Variants in TOP3B observed in about 807,000 individuals in gnomAD.
The protein encoded by TOP3B is DNA topoisomerase 3-beta-1.
In TOP3B, 45 loss-of-function variants were observed where a neutral mutation model predicts 93.9. The ratio of observed to expected loss-of-function variants is 0.48; its 90% CI spans 0.38 to 0.61. TOP3B has a LOEUF of 0.61. Among genes scored for constraint, TOP3B ranks in the 20% least tolerant of loss-of-function variants. TOP3B has a pLI of 0.00. For missense variants in TOP3B, 750 were observed against 1,156.1 expected (o/e 0.65, Z 5.09); for synonymous variants, 357 against 472.6 (o/e 0.76, Z 3.17).
At chr22:21,962,646 G>A (rs1416075975) in intron 12 of TOP3B, 44 bp from the exon 13 acceptor site, 4 of 1,605,474 alleles carry the variant, frequency 2.5e-6, no homozygotes, top group Non-Finnish European at 3.4e-6. Flanking sequence ...AGCCTGGGTG[G>A]CCGGGGCCTC....
At chr22:21,979,849 G>A (rs1249134190) in intron 1 of TOP3B, among the ~76,000 whole-genome samples, 2 of 150,766 alleles carry the variant, frequency 1.3e-5, no homozygotes, top group Non-Finnish European at 2.9e-5. Flanking sequence ...GCTGAGGCAG[G>A]AGAATGGTGT....
chr22:21,958,381 G>A (rs2071015337), intron 17 of TOP3B, 111 bp downstream of exon 17: 1 of 1,570,494 alleles, frequency 6.4e-7, no homozygotes, highest in Non-Finnish European at 8.6e-7. Flanking sequence ...AATGAGTGCA[G>A]GAAAGGCCAG....
In TOP3B at chr22:21,970,111, C is replaced by T. The variant is rs1187069250; in HGVS notation, c.581+99G>A. ...AAATCCCCTGTTGCTCATCCTGGCTCGAGGAGGCCTAGGGGCCCCGGAGGG... is the reference window on the plus strand; with the variant it reads ...AAATCCCCTGTTGCTCATCCTGGCTTGAGGAGGCCTAGGGGCCCCGGAGGG... On this transcript the variant is annotated intron_variant, in intron 6 of 17. Transcript: ENST00000357179. This position sits in a 1 kb window ranked among gnomAD's most constrained non-coding sequence, Gnocchi z 4.4. 20 of 1,384,822 alleles carry T rather than the reference C, an allele frequency of 1.4e-5. No individual in the cohort carries two copies. In the East Asian group the frequency reaches 4.0e-4, roughly 28 times the overall value. The allele number at this position is 1,384,822 out of a possible 1,614,324, so 85.8% of individuals were successfully genotyped here. A position where few individuals can be genotyped will look rare whatever the true frequency, so the allele number is the denominator to read the frequency against.
chr22:21,968,947 A>T (rs953009908), intron 6 of TOP3B, 172 bp from the exon 7 acceptor site: 2 of 637,082 alleles, frequency 3.1e-6, no homozygotes, highest in Non-Finnish European at 5.5e-6. Context: ...GGGAGGATTC[A>T]TGTGTGTACA....
intron 8 of TOP3B, 43 bp from the exon 9 acceptor site, chr22:21,965,418 A>ACCAC: frequency 7.3e-7 from 1 of 1,363,910 alleles, no homozygotes; most frequent in East Asian, 2.5e-5. Context: ...GGAGGAAGAC[A>ACCAC]CCACCATAGA....
At position 21,964,271 on chromosome 22, in the gene TOP3B, T is replaced by A; in HGVS notation, c.988A>T (p.Thr330Ser). The A allele has an allele frequency of 6.2e-7, 1 of 1,614,068 alleles. No individual in the cohort carries two copies. Among genetic ancestry groups the A allele is most frequent in the Non-Finnish European group, 8.5e-7 (1 of 1,180,000 alleles). ...CGTGGGTAGCTGATGTAGCCTTGCG[T>A]GTAGAGCCGCTCAGCCGTCTGCATG... is the stretch of plus-strand genomic sequence containing the variant. ...HAMQTAERLY[T>S]QGYISYPRTE... Residue 330 changes from threonine (T) to serine (S), a missense_variant, in exon 10 of 18, where the codon ACG becomes TCG. Around this residue, in one of 4 missense-constraint regions of TOP3B, gnomAD observed 737 missense variants for 933.7 expected, o/e 0.79. Transcript: ENST00000357179.
At chr22:21,968,813 C>T in intron 6 of TOP3B, 38 bp from the exon 7 acceptor site, 1 of 1,611,492 alleles carries the variant, frequency 6.2e-7, no homozygotes, top group South Asian at 1.1e-5. Context: ...CACTGATTCA[C>T]TCAAGACACT....
chr22:21,958,211 C>T (rs1292644593), intron 17 of TOP3B: 2 of 1,316,976 alleles, frequency 1.5e-6, no homozygotes, highest in African/African-American at 3.0e-5. Context: ...GCTGCATCCT[C>T]TTGCTCACTC....
rs954476409 is a variant in TOP3B, at chr22:21,972,559, C to T, written c.309+53G>A. 31 of 1,358,872 alleles carry T rather than the reference C, an allele frequency of 2.3e-5. No individual in the cohort carries two copies. In the African/African-American group the frequency reaches 3.9e-4, roughly 17 times the overall value. The allele number at this position is 1,358,872 out of a possible 1,614,324, so 84.2% of individuals were successfully genotyped here. A position where few individuals can be genotyped will look rare whatever the true frequency, so the allele number is the denominator to read the frequency against. On this transcript the variant is annotated intron_variant, in intron 4 of 17. Coordinates refer to ENST00000357179, the MANE Select transcript of TOP3B (RefSeq NM_001282112.2). The stretch of plus-strand genomic sequence containing the variant: ...GCAAGGGTGGGCAAAGACATGGCAG[C>T]TGTGGAGGGTGGGGAGCCCCGGTGT...
In TOP3B at chr22:21,971,853, G is replaced by A. The variant is rs1172809690; in HGVS notation, c.384+24C>T. 6.2e-7 allele frequency: 1 copy of A among 1,612,784 alleles called. No individual in the cohort carries two copies. The highest frequency in any genetic ancestry group is 2.2e-5 in the East Asian group (1 of 44,876). On this transcript the variant is annotated intron_variant, in intron 5 of 17. Coordinates refer to ENST00000357179, the MANE Select transcript of TOP3B (RefSeq NM_001282112.2). This position sits in a 1 kb window ranked among gnomAD's most constrained non-coding sequence, Gnocchi z 4.6. ...TGGTGTCAGAAAGGCCAAAAGTGAG[G>A]AACAAAGTGAGCCTCACACTCACCT...
In TOP3B at chr22:21,959,574, A is replaced by G. The variant is rs746224616; in HGVS notation, c.1804+13T>C. ...ACCCCTCTGGTGAGGGGCAGGCCAG[A>G]GGCAGACTCTACCAGCAATGGAGTC... On this transcript the variant is annotated intron_variant, in intron 15 of 17. Coordinates refer to ENST00000357179, the MANE Select transcript of TOP3B (RefSeq NM_001282112.2). 3 of 1,601,612 alleles carry G rather than the reference A, an allele frequency of 1.9e-6. No homozygotes were observed. The South Asian group carries it at 3.4e-5, about 18-fold the overall frequency.
rs1440958323 is a variant in TOP3B, at chr22:21,972,612, C to T, written c.309G>A (p.Gln103=). The T allele has an allele frequency of 6.2e-7, 1 of 1,607,362 alleles. No homozygotes were observed. The highest frequency in any genetic ancestry group is 8.5e-7 in the Non-Finnish European group (1 of 1,177,396). ...TCATGCCCAGGCCAGCCCCACGCAC[C>T]TGCAGGAACTTCACCATGTTCAGCT... ...NPKLNMVKFL[Q]VEGRGCDYIV... Residue 103 remains glutamine (Q), a splice_region_variant and synonymous_variant, in exon 4 of 18, where the codon CAG becomes CAA. Transcript: ENST00000357179.
Position 21,974,457 on chromosome 22 carries a change from C to G in TOP3B, c.102G>C (p.Gly34=). 1 of 1,613,038 alleles carries G rather than the reference C, an allele frequency of 6.2e-7. No individual in the cohort carries two copies. The highest frequency in any genetic ancestry group is 8.5e-7 in the Non-Finnish European group (1 of 1,179,430). ...CAGTGTACTCGTGGACTGAGCAGGCCCCGTTCAGCCCTTTGTGTGAGGACA... is the reference window on the plus strand; with the variant it reads ...CAGTGTACTCGTGGACTGAGCAGGCGCCGTTCAGCCCTTTGTGTGAGGACA... ...GSLSSHKGLN[G]ACSVHEYTGT... Residue 34 remains glycine (G), a synonymous_variant, in exon 3 of 18, where the codon GGG becomes GGC. Coordinates refer to ENST00000357179, the MANE Select transcript of TOP3B (RefSeq NM_001282112.2).
At chr22:21,968,825 T>C (rs757799759) in intron 6 of TOP3B, 50 bp from the exon 7 acceptor site, 14 of 1,603,508 alleles carry the variant, frequency 8.7e-6, no homozygotes, top group Non-Finnish European at 1.2e-5. Context: ...CAAGACACTA[T>C]TATGGCCACC....
chr22:21,965,301 C>A lies in TOP3B; in HGVS notation c.927G>T (p.Val309=), dbSNP rs1167328848. Residue 309 remains valine, a synonymous_variant, in exon 9 of 18, where the codon GTG becomes GTT. Transcript: ENST00000357179. ...LALNTVEMLR[V]ASSSLGMGPQ... ...CCTACATACCCAGAGAAGAGCTGGC[C>A]ACACGCAGCATCTCCACAGTGTTCA... 1 of 1,598,378 alleles carries A rather than the reference C, an allele frequency of 6.3e-7. No homozygotes were observed. Among genetic ancestry groups the A allele is most frequent in the South Asian group, 1.1e-5 (1 of 88,768 alleles).
Position 21,967,769 on chromosome 22 carries a change from C to G in TOP3B, c.739-53G>C, listed in dbSNP as rs935584737. ...GCACAAGAAAAAGTCTCCAGGTGAG[C>G]CCAACGCCAGGAAGAACCAGGACAG... On this transcript the variant is annotated intron_variant, in intron 7 of 17. Coordinates refer to ENST00000357179, the MANE Select transcript of TOP3B (RefSeq NM_001282112.2). 4 of 1,406,818 alleles carry G rather than the reference C, an allele frequency of 2.8e-6. No homozygotes were observed. The African/African-American group carries it at 5.6e-5, about 20-fold the overall frequency. The allele number at this position is 1,406,818 out of a possible 1,614,324, so 87.1% of individuals were successfully genotyped here.
intron 2 of TOP3B, 138 bp from the exon 3 acceptor site, chr22:21,974,626 T>C: frequency 1.0e-6 from 1 of 977,348 alleles, no homozygotes; most frequent in Non-Finnish European, 1.5e-6. Flanking sequence ...TTCCGCAGAC[T>C]GGTGCGGGTA....
At chr22:21,968,326 C>T in intron 7 of TOP3B, 1 of 423,598 alleles carries the variant, frequency 2.4e-6, no homozygotes, top group South Asian at 4.0e-5. Context: ...CAGTCCAGTG[C>T]TTGGACCTGA....
chr22:21,972,498 C>T (rs1236398298), intron 4 of TOP3B, 114 bp downstream of exon 4: 2 of 783,342 alleles, frequency 2.6e-6, no homozygotes, highest in African/African-American at 3.6e-5. Context: ...AAAAAGCTAG[C>T]AAAGGCCCCC....
Sources: allele counts gnomAD v4.1 joint callset (sites outside exome capture counted in the v4.1 genomes callset), GRCh38; gene constraint gnomAD v4.1.1; regional missense constraint gnomAD v4.1.1; non-coding constraint Gnocchi (gnomAD v3.1); transcripts MANE v1.5; gene names NCBI Gene and HGNC (gene_info 2026-07-23, HGNC 2026-07-21).